The following THRA variants were observed in gnomAD, a reference collection of about 807,000 sequenced individuals.
THRA encodes thyroid hormone receptor alpha.
A neutral mutation model predicts 45.0 loss-of-function variants in THRA; 13 were observed. The observed-to-expected ratio is 0.29, with a 90% confidence interval of 0.19 to 0.46. The LOEUF (loss-of-function observed/expected upper bound fraction) is 0.46, where lower values mean the gene tolerates loss of function less well. THRA is among the 20% of genes least tolerant of loss of function. The pLI, the probability that THRA is intolerant of heterozygous loss-of-function variation, is 1.00. For missense variants in THRA, 278 were observed against 556.1 expected, an observed-to-expected ratio of 0.50 and a Z score of 5.03; for synonymous variants, 195 against 214.0, an observed-to-expected ratio of 0.91 and a Z score of 0.78.
chr17:40,083,829 C>T lies in THRA; in HGVS notation c.223-6C>T. 2 of 1,597,958 alleles carry T rather than the reference C, an allele frequency of 1.3e-6. No individual in the cohort carries two copies. The highest frequency in any genetic ancestry group is 1.7e-6 in the Non-Finnish European group (2 of 1,171,082). ...ATCACAGCCTGCTCCATCTCCCCCA[C>T]CCCAGGGCTTCTTTCGCCGCACAAT... On this transcript the variant is annotated splice_polypyrimidine_tract_variant and splice_region_variant and intron_variant, in intron 4 of 8. Transcript: ENST00000450525.
chr17:40,076,774 A>G (rs780882127), intron 2 of THRA, 97 bp from the exon 3 acceptor site: 9 of 1,304,106 alleles, frequency 6.9e-6, no homozygotes, highest in South Asian at 2.7e-5. Flanking sequence ...CACAAAATGG[A>G]AAGAATCAGG....
chr17:40,086,253 A>G (rs1987316619), intron 6 of THRA, among the ~76,000 whole-genome samples: 1 of 152,160 alleles, frequency 6.6e-6, no homozygotes, highest in Non-Finnish European at 1.5e-5. Context: ...TCTGATTCCA[A>G]GCAGATGTGT....
intron 1 of THRA, among the ~76,000 whole-genome samples, chr17:40,070,583 T>C (rs1400787764): frequency 1.3e-5 from 2 of 152,086 alleles, no homozygotes; most frequent in African/African-American, 4.8e-5. Flanking sequence ...GCATGCCCAT[T>C]TATGTGTCTG....
chr17:40,067,722 C>T (rs1986621847), intron 1 of THRA, among the ~76,000 whole-genome samples: 1 of 152,192 alleles, frequency 6.6e-6, no homozygotes, highest in Non-Finnish European at 1.5e-5. Context: ...GAACCAATCT[C>T]AACTCTAGTT....
intron 2 of THRA, among the ~76,000 whole-genome samples, chr17:40,076,340 GT>G (rs1986952746): frequency 6.6e-6 from 1 of 152,212 alleles, no homozygotes; most frequent in Admixed American, 6.5e-5. Flanking sequence ...CCTGTGCAGA[GT>G]GTTGTGTAAC....
Position 40,089,453 on chromosome 17 carries a change from C to G in THRA, c.1230C>G (p.Val410=), listed in dbSNP as rs995005314. ...LFLEVFEDQE[V] is the part of the protein sequence containing the mutation. ...TCGAGGTCTTTGAGGATCAGGAAGT[C>G]TAAAGCCTCAGGCGGCCAGAGGGTG... is the stretch of plus-strand genomic sequence containing the variant. The change falls in exon 9 of 9, where the codon GTC becomes GTG. Residue 410 remains valine, a synonymous_variant. Transcript: ENST00000450525. The surrounding 1 kb of genome is among the most constrained non-coding windows in gnomAD (Gnocchi z 6.1). The G allele has an allele frequency of 1.9e-6, 3 of 1,613,994 alleles. No individual in the cohort carries two copies. Among genetic ancestry groups the G allele is most frequent in the Non-Finnish European group, 2.5e-6 (3 of 1,179,940 alleles).
chr17:40,088,673 C>T (rs1045921114), intron 8 of THRA, among the ~76,000 whole-genome samples, 173 bp downstream of exon 8: 1 of 151,968 alleles, frequency 6.6e-6, no homozygotes, highest in African/African-American at 2.4e-5. Context: ...CTCACTCGTT[C>T]CCCAGGCCCA....
At chr17:40,068,197 A>G (rs1386501304) in intron 1 of THRA, among the ~76,000 whole-genome samples, 2 of 152,176 alleles carry the variant, frequency 1.3e-5, no homozygotes, top group Non-Finnish European at 2.9e-5. Context: ...GTTGACATTC[A>G]CTAGTCGTAT....
chr17:40,093,721 T>C (rs568316062), downstream of THRA: 806 of 642,268 alleles, frequency 1.3e-3, no homozygotes, highest in Admixed American at 3.1e-3. This position sits in a 1 kb window ranked among gnomAD's most constrained non-coding sequence, Gnocchi z 5.9. Context: ...ATGCTTCTAC[T>C]GTGACACTTA....
chr17:40,077,055 T>C, intron 3 of THRA, 117 bp downstream of exon 3: 1 of 1,087,214 alleles, frequency 9.2e-7, no homozygotes, highest in South Asian at 1.5e-5. Context: ...GGGAGCCTCC[T>C]AGAGGGCTTG....
intron 8 of THRA, among the ~76,000 whole-genome samples, chr17:40,088,864 C>A (rs1987427265): frequency 6.6e-6 from 1 of 151,624 alleles, no homozygotes; most frequent in Non-Finnish European, 1.5e-5. Context: ...CCCTCAGTCC[C>A]CTCCCTAACC....
intron 1 of THRA, among the ~76,000 whole-genome samples, chr17:40,070,401 AG>A (rs1428546858): frequency 3.3e-5 from 5 of 152,298 alleles, no homozygotes; most frequent in African/African-American, 1.2e-4. Flanking sequence ...GGTATGGGAA[AG>A]GACAGGGAGT....
chr17:40,064,886 C>T (rs1986497101), intron 1 of THRA, among the ~76,000 whole-genome samples: 1 of 152,208 alleles, frequency 6.6e-6, no homozygotes, highest in African/African-American at 2.4e-5. Context: ...CCCACAGTTG[C>T]AGGTCCACAC....
chr17:40,074,615 G>C, intron 2 of THRA, 74 bp downstream of exon 2: 1 of 1,541,928 alleles, frequency 6.5e-7, no homozygotes, highest in African/African-American at 1.4e-5. Flanking sequence ...CTCTCCTTTA[G>C]GCACCGCCTT....
chr17:40,083,761 A>G, intron 4 of THRA, 74 bp from the exon 5 acceptor site: 1 of 1,512,910 alleles, frequency 6.6e-7, no homozygotes, highest in Admixed American at 2.0e-5. Context: ...CCTGACCCCT[A>G]GTAAACTGCA....
chr17:40,076,973 C>T, intron 3 of THRA, 35 bp downstream of exon 3: 1 of 1,605,776 alleles, frequency 6.2e-7, no homozygotes, highest in East Asian at 2.2e-5. Context: ...TCTCCACGTC[C>T]CCAACCCCAC....
chr17:40,075,594 C>G (rs1210375435), intron 2 of THRA, among the ~76,000 whole-genome samples: 2 of 152,242 alleles, frequency 1.3e-5, no homozygotes, highest in African/African-American at 4.8e-5. Context: ...CTGGAAGAGT[C>G]TGTGCTTAAT....
chr17:40,089,547 C>T lies in THRA; in HGVS notation c.*91C>T. ...GGGGGCTGAGGGAGACCCCCCCACA[C>T]CCCTTCTCTCCTTCCTCTCGTCCTT... On this transcript the variant is annotated 3_prime_UTR_variant, in exon 9 of 9. Transcript: ENST00000450525. This position sits in a 1 kb window ranked among gnomAD's most constrained non-coding sequence, Gnocchi z 6.1. 6.6e-7 allele frequency: 1 copy of T among 1,508,830 alleles called. No homozygotes were observed. Among genetic ancestry groups the T allele is most frequent in the Non-Finnish European group, 8.8e-7 (1 of 1,132,058 alleles). 93.5% of individuals were successfully genotyped at this position (1,508,830 alleles called of 1,614,324 possible).
chr17:40,092,749 T>A lies in THRA; in HGVS notation c.*3293T>A. On this transcript the variant is annotated 3_prime_UTR_variant, in exon 9 of 9. Transcript: ENST00000450525. ...GTGGCCCCCCCCAGCCTTGGCAGTATTTCCACCCCACCCCCCAAACGAGCA... is the reference window on the plus strand; with the variant it reads ...GTGGCCCCCCCCAGCCTTGGCAGTAATTCCACCCCACCCCCCAAACGAGCA... The A allele has an allele frequency of 3.5e-6, 1 of 281,760 alleles. No individual in the cohort carries two copies. The highest frequency in any genetic ancestry group is 6.4e-6 in the Non-Finnish European group (1 of 156,766). The allele number at this position is 281,760 out of a possible 1,614,324, so 17.5% of individuals were successfully genotyped here.
Sources: gnomAD v4.1 joint callset for allele counts (sites outside exome capture counted in the v4.1 genomes callset) on GRCh38, gnomAD v4.1.1 for gene constraint, Gnocchi (gnomAD v3.1) non-coding constraint, MANE v1.5 for transcripts, NCBI Gene and HGNC (gene_info 2026-07-23, HGNC 2026-07-21) for gene names.